NR1H2: variants seen among roughly 807,000 people sequenced by gnomAD.
NR1H2 encodes nuclear receptor subfamily 1 group H member 2.
NR1H2 carries 33 observed loss-of-function variants against 51.2 expected under a neutral mutation model. That is an observed-to-expected ratio of 0.64 (90% CI 0.49 to 0.86). The LOEUF is 0.86. Among genes scored for constraint, NR1H2 ranks in the 40% least tolerant of loss-of-function variants. NR1H2 has a pLI of 0.00. For missense variants in NR1H2, 592 were observed against 639.9 expected, an observed-to-expected ratio of 0.93 and a Z score of 0.81; for synonymous variants, 310 against 264.3, an observed-to-expected ratio of 1.17 and a Z score of -1.68.
rs759267146 is a variant in NR1H2 at position 50,378,581 on chromosome 19, C to G, written c.532C>G (p.Gln178Glu). The G allele has an allele frequency of 1.2e-6, 2 of 1,612,358 alleles. No individual in the cohort carries two copies. Among genetic ancestry groups the G allele is most frequent in the Middle Eastern group, 1.6e-4 (1 of 6,078 alleles). The change falls in exon 6 of 10, where the codon CAG becomes GAG. Residue 178 changes from glutamine (Q) to glutamate (E), a missense_variant. Physicochemically the swap from Gln to Glu is conservative, Grantham distance 29. Coordinates refer to ENST00000253727, the MANE Select transcript of NR1H2 (RefSeq NM_007121.7). Reference protein sequence around the residue: ...KKIRKQQQESQSQSQSPVGPQ... With the variant: ...KKIRKQQQESESQSQSPVGPQ... ...GATTCGGAAACAGCAGCAGGAGTCA[C>G]AGTCACAGTCGCAGTCACCTGTGGG... is the stretch of plus-strand genomic sequence containing the variant.
rs1363853899 is a variant in NR1H2 at position 50,383,224 on chromosome 19, G to A, written c.*622G>A. Reference sequence around the variant, plus strand: ...TCAGGGTCACCTCCCTGGACAAGGTGAATCAGAACTCACCCTTGAAGGATA... The same window carrying A: ...TCAGGGTCACCTCCCTGGACAAGGTAAATCAGAACTCACCCTTGAAGGATA... On this transcript the variant is annotated 3_prime_UTR_variant, in exon 10 of 10. Transcript: ENST00000253727. Among the ~76,000 whole-genome samples, 5 of 152,224 alleles carry A rather than the reference G, an allele frequency of 3.3e-5. No homozygotes were observed. The highest frequency in any genetic ancestry group is 7.3e-5 in the Non-Finnish European group (5 of 68,034).
At position 50,378,520 on chromosome 19, in the gene NR1H2, A is replaced by G. The variant is rs1165144880; in HGVS notation, c.473-2A>G. 6.2e-7 allele frequency: 1 copy of G among 1,604,974 alleles called. No individual in the cohort carries two copies. Among genetic ancestry groups the G allele is most frequent in the Non-Finnish European group, 8.5e-7 (1 of 1,174,486 alleles). ...TCTGCTGAGGCCTGCATCCCCCTACAGGCGTCCTTTCTGAAGAACAGATCC... is the reference window on the plus strand; with the variant it reads ...TCTGCTGAGGCCTGCATCCCCCTACGGGCGTCCTTTCTGAAGAACAGATCC... On this transcript the variant is annotated splice_acceptor_variant, in intron 5 of 9. Coordinates refer to ENST00000253727, the MANE Select transcript of NR1H2 (RefSeq NM_007121.7). LOFTEE classifies it high-confidence loss of function.
rs759695518 is a variant in NR1H2 at position 50,379,179 on chromosome 19, G to A, written c.925G>A (p.Glu309Lys). 5 of 1,609,782 alleles carry A rather than the reference G, an allele frequency of 3.1e-6. No homozygotes were observed. The highest frequency in any genetic ancestry group is 1.3e-5 in the African/African-American group (1 of 74,870). ...CGCCCTCCTGAAGGCATCCACTATC[G>A]AGGTAATGGTCCATCTGCCCACAAG... ...QIALLKASTI[E>K]IMLLETARRY... Residue 309 changes from glutamate to lysine, a missense_variant and splice_region_variant, in exon 7 of 10, where the codon GAG (glutamate) becomes AAG (lysine). Transcript: ENST00000253727.
chr19:50,382,883 G>T lies in NR1H2; in HGVS notation c.*281G>T. ...TCAAGCCCAGCACGCAGTGCACCTT[G>T]AACAGAGGGAGGGGAGGACCCATGG... is the stretch of plus-strand genomic sequence containing the variant. On this transcript the variant is annotated 3_prime_UTR_variant, in exon 10 of 10. Coordinates refer to ENST00000253727, the MANE Select transcript of NR1H2 (RefSeq NM_007121.7). The T allele has an allele frequency of 3.0e-6, 1 of 331,634 alleles. No homozygotes were observed. The highest frequency in any genetic ancestry group is 5.5e-6 in the Non-Finnish European group (1 of 181,436). The allele number at this position is 331,634 out of a possible 1,614,324, so 20.5% of individuals were successfully genotyped here. A position where few individuals can be genotyped will look rare whatever the true frequency, so the allele number is the denominator to read the frequency against.
Position 50,382,916 on chromosome 19 carries a change from C to A in NR1H2, c.*314C>A. On this transcript the variant is annotated 3_prime_UTR_variant, in exon 10 of 10. Coordinates refer to ENST00000253727, the MANE Select transcript of NR1H2 (RefSeq NM_007121.7). ...GGAGGGGAGGACCCATGGCTCTCCCCCCTAGCCCGGGAGACCAGGGCCTTC... is the reference window on the plus strand; with the variant it reads ...GGAGGGGAGGACCCATGGCTCTCCCACCTAGCCCGGGAGACCAGGGCCTTC... 1 of 203,472 alleles carries A rather than the reference C, an allele frequency of 4.9e-6. No homozygotes were observed. The highest frequency in any genetic ancestry group is 2.7e-4 in the South Asian group (1 of 3,656). The allele number at this position is 203,472 out of a possible 1,614,324, so 12.6% of individuals were successfully genotyped here.
chr19:50,379,655 G>T (rs1438404914), intron 7 of NR1H2, 125 bp from the exon 8 acceptor site: 12 of 683,356 alleles, frequency 1.8e-5, no homozygotes, highest in Non-Finnish European at 2.9e-5. Flanking sequence ...GTGGCTGAGA[G>T]AACAGGGGGG....
chr19:50,380,225 G>A (rs2037743896), intron 8 of NR1H2, among the ~76,000 whole-genome samples: 1 of 152,158 alleles, frequency 6.6e-6, no homozygotes. Flanking sequence ...AGTTGAGATG[G>A]GAGGAGCCCT....
intron 6 of NR1H2, 86 bp downstream of exon 6, chr19:50,378,882 G>C (rs1219535906): frequency 6.4e-7 from 1 of 1,561,226 alleles, no homozygotes; most frequent in Non-Finnish European, 8.7e-7. Context: ...GGAGAATGAG[G>C]CTCCAGAGGG....
intron 6 of NR1H2, 62 bp downstream of exon 6, chr19:50,378,858 T>C (rs1448598306): frequency 1.3e-6 from 2 of 1,577,500 alleles, no homozygotes; most frequent in African/African-American, 2.7e-5. Flanking sequence ...AGCTGGGCCA[T>C]CACCCAGGGT....
rs1568597477 is a variant in NR1H2, at chr19:50,382,475, G to GCATGCT, written c.1261_1266dup (p.Leu421_Met422dup). 1 of 1,606,534 alleles carries GCATGCT rather than the reference G, an allele frequency of 6.2e-7. No homozygotes were observed. Among genetic ancestry groups the GCATGCT allele is most frequent in the East Asian group, 2.2e-5 (1 of 44,754 alleles). On this transcript the variant is annotated inframe_insertion, in exon 10 of 10. Transcript: ENST00000253727. ...CCTCAGGACCAGCTGCGCTTCCCGC[G>GCATGCT]CATGCTCATGAAGCTGGTGAGCCTG...
rs947408088 is a variant in NR1H2 at position 50,378,694 on chromosome 19, G to C, written c.645G>C (p.Glu215Asp). 1.5e-5 allele frequency: 24 copies of C among 1,613,700 alleles called. No homozygotes were observed. Among genetic ancestry groups the C allele is most frequent in the African/African-American group, 1.5e-4 (11 of 74,942 alleles). The stretch of plus-strand genomic sequence containing the variant: ...GCAGCCAGGGCTCCGGGGAAGGCGA[G>C]GGTGTCCAGCTAACAGCGGCTCAAG... The part of the protein sequence containing the change: ...EAGSQGSGEG[E>D]GVQLTAAQEL... The change falls in exon 6 of 10, where the codon GAG becomes GAC. Residue 215 changes from glutamate to aspartate, a missense_variant. This residue lies in a region of NR1H2 where 316 missense variants were observed against 313.4 expected (regional missense o/e 1.01). Coordinates refer to ENST00000253727, the MANE Select transcript of NR1H2 (RefSeq NM_007121.7).
chr19:50,378,462 G>C, intron 5 of NR1H2, 23 bp downstream of exon 5: 1 of 1,576,802 alleles, frequency 6.3e-7, no homozygotes, highest in South Asian at 1.2e-5. Flanking sequence ...GGAGGGGGCG[G>C]TGCCGGCCTG....
At position 50,381,681 on chromosome 19, in the gene NR1H2, C is replaced by CAG. The variant is rs201691674; in HGVS notation, c.1028-285_1028-284insAG. On this transcript the variant is annotated intron_variant, in intron 8 of 9. Coordinates refer to ENST00000253727, the MANE Select transcript of NR1H2 (RefSeq NM_007121.7). ...TGTGAAGGGGACAAGAATAGGGACT[C>CAG]GGGAAGCTGCAGCCACCGCCCAGGT... Among the ~76,000 whole-genome samples the CAG allele has an allele frequency of 4.0e-3, 605 of 152,274 alleles. 4 individuals carry two copies. Among genetic ancestry groups the CAG allele is most frequent in the South Asian group, 0.022 (106 of 4,826 alleles).
chr19:50,380,701 G>A (rs2037752187), intron 8 of NR1H2, among the ~76,000 whole-genome samples: 1 of 152,180 alleles, frequency 6.6e-6, no homozygotes, highest in South Asian at 2.1e-4. Flanking sequence ...CGATTGCAGA[G>A]GCCCTGAGGT....
chr19:50,381,758 C>T (rs981755950), intron 8 of NR1H2, among the ~76,000 whole-genome samples: 4 of 152,190 alleles, frequency 2.6e-5, no homozygotes, highest in Admixed American at 2.0e-4. Flanking sequence ...AAACATGCAC[C>T]CTCATTCATT....
In NR1H2 at chr19:50,378,104, GT is replaced by G. The variant is rs748998568; in HGVS notation, c.182-42del. On this transcript the variant is annotated intron_variant, in intron 4 of 9. Transcript: ENST00000253727. ...CTGTGGGCCCATCTCTCTGGTTCCTGTTTCTCCTTGTGGCTTTCTCATGGCC... is the reference window on the plus strand; with the variant it reads ...CTGTGGGCCCATCTCTCTGGTTCCTGTTCTCCTTGTGGCTTTCTCATGGCC... 6.4e-6 allele frequency: 10 copies of G among 1,566,614 alleles called. No homozygotes were observed. In the South Asian group the frequency reaches 9.3e-5, roughly 15 times the overall value.
At chr19:50,378,875 G>A in intron 6 of NR1H2, 79 bp downstream of exon 6, 3 of 1,567,000 alleles carry the variant, frequency 1.9e-6, no homozygotes, top group East Asian at 2.2e-5. Flanking sequence ...GGGTGTGGGA[G>A]AATGAGGCTC....
chr19:50,381,304 G>A (rs549107401), intron 8 of NR1H2, among the ~76,000 whole-genome samples: 12 of 152,304 alleles, frequency 7.9e-5, no homozygotes, highest in Admixed American at 2.0e-4. Context: ...CATCTCCTTC[G>A]GATTGGTCAC....
chr19:50,381,911 G>A, intron 8 of NR1H2, 55 bp from the exon 9 acceptor site: 3 of 1,447,694 alleles, frequency 2.1e-6, no homozygotes, highest in Non-Finnish European at 2.8e-6. Context: ...CAGGGTCCAG[G>A]ATGTGGGGCA....
Sources: gnomAD v4.1 joint callset for allele counts (sites outside exome capture counted in the v4.1 genomes callset) on GRCh38, gnomAD v4.1.1 for gene constraint, gnomAD v4.1.1 regional missense constraint, MANE v1.5 for transcripts, NCBI Gene and HGNC (gene_info 2026-07-23, HGNC 2026-07-21) for gene names.